Variants in TMEM233 observed in about 807,000 individuals in gnomAD.
The protein encoded by TMEM233 is transmembrane protein 233.
A neutral mutation model predicts 11.2 loss-of-function variants in TMEM233; 6 were observed. The observed-to-expected ratio is 0.54, with a 90% CI of 0.29 to 1.06. The LOEUF (loss-of-function observed/expected upper bound fraction) is 1.06. TMEM233 is among the 50% of genes least tolerant of loss of function. The pLI is 0.08. For synonymous variants in TMEM233, 59 were observed against 55.8 expected (o/e 1.06, Z -0.26); for missense variants, 127 against 144.7 (o/e 0.88, Z 0.63).
Position 119,640,858 on chromosome 12 carries a change from A to C in TMEM233, c.*153A>C. The C allele has an allele frequency of 1.8e-6, 1 of 569,602 alleles. No individual in the cohort carries two copies. The highest frequency in any genetic ancestry group is 4.1e-5 in the Admixed American group (1 of 24,628). 35.3% of individuals were successfully genotyped at this position (569,602 alleles called of 1,614,324 possible). On this transcript the variant is annotated 3_prime_UTR_variant, in exon 3 of 3. Coordinates refer to ENST00000426426, the MANE Select transcript of TMEM233 (RefSeq NM_001136534.3). The stretch of plus-strand genomic sequence containing the variant: ...GCAGGTCCCTGGCAAATGAACAAGA[A>C]AAAAAAAAAAAAAAAGTCCAAAATT...
chr12:119,604,300 T>C (rs1242572225), intron 1 of TMEM233, among the ~76,000 whole-genome samples: 2 of 152,206 alleles, frequency 1.3e-5, no homozygotes, highest in African/African-American at 4.8e-5. Flanking sequence ...AAATGCTGAG[T>C]TGAGCAAAAG....
intron 1 of TMEM233, among the ~76,000 whole-genome samples, chr12:119,611,848 G>C (rs1190634968): frequency 6.6e-6 from 1 of 152,030 alleles, no homozygotes; most frequent in Non-Finnish European, 1.5e-5. Context: ...TCTTATCCTA[G>C]CTTCTCTGAG....
At chr12:119,606,494 CGTT>C (rs1954281430) in intron 1 of TMEM233, among the ~76,000 whole-genome samples, 2 of 152,016 alleles carry the variant, frequency 1.3e-5, no homozygotes, top group African/African-American at 4.8e-5. Flanking sequence ...AATTAGAAGA[CGTT>C]GTTTGAAGAA....
chr12:119,644,338 CAGA>C (rs1457453949), downstream of TMEM233, among the ~76,000 whole-genome samples: 4 of 151,976 alleles, frequency 2.6e-5, no homozygotes. Flanking sequence ...GTACTCTTAC[CAGA>C]AGAAGGAGAG....
intron 1 of TMEM233, among the ~76,000 whole-genome samples, chr12:119,626,534 G>C: frequency 1.9e-5 from 1 of 52,182 alleles, no homozygotes; most frequent in Non-Finnish European, 4.3e-5. Flanking sequence ...GGAGAAGGGA[G>C]AAGGGAGAAG....
intron 2 of TMEM233, among the ~76,000 whole-genome samples, chr12:119,632,911 C>A (rs1377826584): frequency 6.6e-6 from 1 of 152,194 alleles, no homozygotes; most frequent in African/African-American, 2.4e-5. Context: ...TTGCTCATGG[C>A]AACTCCATCC....
At chr12:119,635,025 G>T (rs1954945957) in intron 2 of TMEM233, among the ~76,000 whole-genome samples, 1 of 152,206 alleles carries the variant, frequency 6.6e-6, no homozygotes, top group East Asian at 1.9e-4. Context: ...TCATGAACTT[G>T]CAGTCTTTCA....
In TMEM233 at chr12:119,608,034, G is replaced by A. The variant is rs572279623; in HGVS notation, c.186+14000G>A. Among the ~76,000 whole-genome samples the A allele has an allele frequency of 1.1e-4, 17 of 152,262 alleles. No homozygotes were observed. In the South Asian group the frequency reaches 3.1e-3, roughly 28 times the overall value. On this transcript the variant is annotated intron_variant, in intron 1 of 2. Transcript: ENST00000426426. ...TATTCTAGTCTTGAAGATCATTGAG[G>A]ACAGAGAAACTACAGCTTAGCACAG...
chr12:119,604,998 C>CTCTTTTTT (rs567468740), intron 1 of TMEM233, among the ~76,000 whole-genome samples: 1 of 141,458 alleles, frequency 7.1e-6, no homozygotes. Context: ...CCCTCACTAT[C>CTCTTTTTT]TTTTTTTTTT....
At chr12:119,626,427 G>A (rs946526281) in intron 1 of TMEM233, among the ~76,000 whole-genome samples, 4 of 146,486 alleles carry the variant, frequency 2.7e-5, no homozygotes, top group Admixed American at 6.9e-5. Flanking sequence ...CTGAGATCAC[G>A]TCACTGCACT....
intron 1 of TMEM233, among the ~76,000 whole-genome samples, chr12:119,611,123 T>C (rs966267289): frequency 5.3e-5 from 8 of 152,230 alleles, no homozygotes; most frequent in African/African-American, 9.6e-5. Context: ...CTTAAAAATA[T>C]GCTGCTATGA....
chr12:119,628,661 G>A (rs1015897822), intron 1 of TMEM233, among the ~76,000 whole-genome samples: 12 of 151,734 alleles, frequency 7.9e-5, no homozygotes, highest in African/African-American at 2.2e-4. Flanking sequence ...CACCACGCCC[G>A]GCTAATTTTT....
the TMEM233 span, among the ~76,000 whole-genome samples, chr12:119,650,690 T>A: frequency 6.6e-6 from 1 of 152,244 alleles, no homozygotes; most frequent in African/African-American, 2.4e-5. Flanking sequence ...TTGCCCAGGC[T>A]GGGGTGCAGT....
intron 1 of TMEM233, among the ~76,000 whole-genome samples, chr12:119,603,220 G>A (rs754084813): frequency 2.0e-5 from 3 of 151,830 alleles, no homozygotes; most frequent in East Asian, 1.9e-4. Flanking sequence ...GCAGGGAGCC[G>A]AGATCACGCC....
chr12:119,643,208 C>T (rs547284929), downstream of TMEM233: 4 of 152,344 alleles, frequency 2.6e-5, no homozygotes, highest in East Asian at 5.8e-4. Context: ...GCTAGAGAGG[C>T]ATCACTCTGA....
chr12:119,604,694 G>A lies in TMEM233; in HGVS notation c.186+10660G>A, dbSNP rs575018864. Reference sequence around the variant, plus strand: ...TCTGTCACCCAGACTGGAGTGCAATGGTGCAATCATGGCTCACTCCAGCCT... The same window carrying A: ...TCTGTCACCCAGACTGGAGTGCAATAGTGCAATCATGGCTCACTCCAGCCT... On this transcript the variant is annotated intron_variant, in intron 1 of 2. Coordinates refer to ENST00000426426, the MANE Select transcript of TMEM233 (RefSeq NM_001136534.3). Among the ~76,000 whole-genome samples, 322 of 152,210 alleles carry A rather than the reference G, an allele frequency of 2.1e-3. 1 individual carries two copies. Among genetic ancestry groups the A allele is most frequent in the Non-Finnish European group, 1.2e-3 (83 of 68,018 alleles).
chr12:119,640,657 G>C, intron 2 of TMEM233, 42 bp from the exon 3 acceptor site: 2 of 1,547,956 alleles, frequency 1.3e-6, no homozygotes, highest in Non-Finnish European at 1.7e-6. Flanking sequence ...CAGAAGCTCA[G>C]CCCACGGTCT....
At chr12:119,613,311 G>A (rs1309490249) in intron 1 of TMEM233, among the ~76,000 whole-genome samples, 2 of 152,056 alleles carry the variant, frequency 1.3e-5, no homozygotes, top group Non-Finnish European at 2.9e-5. Flanking sequence ...GGAATGCTAG[G>A]TGTCAGACCC....
intron 2 of TMEM233, among the ~76,000 whole-genome samples, chr12:119,638,166 A>T (rs942668466): frequency 6.6e-6 from 1 of 152,206 alleles, no homozygotes; most frequent in African/African-American, 2.4e-5. Flanking sequence ...AGCTTTAAAC[A>T]TATGCCAATG....
Sources: gnomAD v4.1 joint callset for allele counts (sites outside exome capture counted in the v4.1 genomes callset) on GRCh38, gnomAD v4.1.1 for gene constraint, MANE v1.5 for transcripts, NCBI Gene and HGNC (gene_info 2026-07-23, HGNC 2026-07-21) for gene names.